NEB: variants seen among roughly 807,000 people sequenced by gnomAD.
NEB encodes nemaline myopathy type 2.
In NEB, 512 loss-of-function variants were observed where a neutral mutation model predicts 952.2. The observed-to-expected ratio is 0.54, with a 90% CI of 0.50 to 0.58. The LOEUF is 0.58. Among genes scored for constraint, NEB ranks in the 20% least tolerant of loss-of-function variants. NEB has a pLI of 0.00. For synonymous variants in NEB, 2,900 were observed against 3,149.8 expected (o/e 0.92, Z 2.66); for missense variants, 8,428 against 9,231.1 (o/e 0.91, Z 3.56).
chr2:151,506,647 T>C (rs991769992), intron 163 of NEB, among the ~76,000 whole-genome samples: 1 of 152,214 alleles, frequency 6.6e-6, no homozygotes, highest in African/African-American at 2.4e-5. Context: ...TCCATCTTCT[T>C]GGAGCAAGAC....
chr2:151,490,048 G>C lies in NEB; in HGVS notation c.25327C>G (p.Pro8443Ala), dbSNP rs1464935262. 1 of 1,611,106 alleles carries C rather than the reference G, an allele frequency of 6.2e-7. No individual in the cohort carries two copies. The highest frequency in any genetic ancestry group is 8.5e-7 in the Non-Finnish European group (1 of 1,179,006). ...GCAACTGAAGATGATCGTTGTTGTG[G>C]GAGCTCTGTGGTTTTTGCATGTTTG... Reference protein sequence around the residue: ...AYKHAKTTELPQQRSSSVATQ... With the variant: ...AYKHAKTTELAQQRSSSVATQ... Residue 8443 changes from proline (P) to alanine (A), a missense_variant, in exon 181 of 182, where the codon CCA becomes GCA. By Grantham distance (27) the Pro-to-Ala change is conservative. Coordinates refer to ENST00000397345, the MANE Select transcript of NEB (RefSeq NM_001164508.2).
intron 10 of NEB, among the ~76,000 whole-genome samples, 156 bp from the exon 11 acceptor site, chr2:151,710,694 G>C (rs1475510717): frequency 1.3e-5 from 2 of 152,120 alleles, no homozygotes; most frequent in African/African-American, 4.8e-5. Context: ...CCAATGTACT[G>C]TCAATTTACC....
At chr2:151,520,042 A>C (rs2080866976) in intron 153 of NEB, 1 of 186,904 alleles carries the variant, frequency 5.4e-6, no homozygotes, top group Non-Finnish European at 1.0e-5. Flanking sequence ...TGCAAAACAA[A>C]AAAAAAAAAA....
rs781425114 is a variant in NEB at position 151,630,696 on chromosome 2, C to T, written c.9723+19G>A. On this transcript the variant is annotated intron_variant, in intron 67 of 181. Transcript: ENST00000397345. ...AGACACCACCACCACAATATAGCAC[C>T]ACAGATTTTTGCTCCTACCTCACTG... 3.2e-6 allele frequency: 5 copies of T among 1,565,974 alleles called. No homozygotes were observed. The Admixed American group carries it at 9.0e-5, about 28-fold the overall frequency.
chr2:151,626,942 C>T, intron 70 of NEB, 60 bp downstream of exon 70: 3 of 1,568,690 alleles, frequency 1.9e-6, no homozygotes, highest in South Asian at 1.1e-5. Flanking sequence ...ACTTAATTAA[C>T]AATAGGTATC....
chr2:151,570,072 C>G lies in NEB; in HGVS notation c.17430+9G>C, dbSNP rs780361098. ...GAAAAGAGTTCAACCCCAAATGCAG[C>G]CCACTCACATCGCTCTGCAGTTCGT... On this transcript the variant is annotated intron_variant, in intron 109 of 181. Coordinates refer to ENST00000397345, the MANE Select transcript of NEB (RefSeq NM_001164508.2). 4 of 1,597,830 alleles carry G rather than the reference C, an allele frequency of 2.5e-6. No individual in the cohort carries two copies. The South Asian group carries it at 4.5e-5, about 18-fold the overall frequency.
At chr2:151,721,689 T>C (rs1286505633) in intron 9 of NEB, among the ~76,000 whole-genome samples, 1 of 152,226 alleles carries the variant, frequency 6.6e-6, no homozygotes, top group Non-Finnish European at 1.5e-5. Context: ...TTGTAGTACT[T>C]TTCTATCCTG....
rs1403276683 is a variant in NEB at position 151,612,398 on chromosome 2, G to A, written c.11602-9C>T. 4 of 1,610,928 alleles carry A rather than the reference G, an allele frequency of 2.5e-6. No homozygotes were observed. The East Asian group carries it at 8.9e-5, about 36-fold the overall frequency. Reference sequence around the variant, plus strand: ...TCAGATTTGTAAATAGCCTGAAAATGAAATAATGTCAAATATTTATAGATG... The same window carrying A: ...TCAGATTTGTAAATAGCCTGAAAATAAAATAATGTCAAATATTTATAGATG... On this transcript the variant is annotated splice_polypyrimidine_tract_variant and intron_variant, in intron 77 of 181. Transcript: ENST00000397345.
intron 46 of NEB, among the ~76,000 whole-genome samples, chr2:151,661,059 C>T (rs1162638742): frequency 6.6e-6 from 1 of 152,038 alleles, no homozygotes; most frequent in Non-Finnish European, 1.5e-5. Flanking sequence ...CCAGACCCTG[C>T]TGTTGACCCG....
chr2:151,684,329 A>G (rs1415383213), intron 28 of NEB, among the ~76,000 whole-genome samples: 1 of 152,206 alleles, frequency 6.6e-6, no homozygotes, highest in Non-Finnish European at 1.5e-5. Context: ...AAACCGTTAT[A>G]AATATTTATG....
intron 107 of NEB, among the ~76,000 whole-genome samples, chr2:151,574,275 G>T (rs537871535): frequency 2.6e-5 from 4 of 152,084 alleles, no homozygotes; most frequent in Non-Finnish European, 5.9e-5. Context: ...CGCCAGGCAT[G>T]TTCTTACTCT....
At position 151,675,298 on chromosome 2, in the gene NEB, T is replaced by G; in HGVS notation, c.3868A>C (p.Asn1290His). Residue 1290 changes from asparagine to histidine, a missense_variant, in exon 35 of 182, where the codon AAT becomes CAT. By Grantham distance (68) the Asn-to-His change is moderately conservative (BLOSUM62 1). Transcript: ENST00000397345. ...QFLQAKCNAY[N>H]ISDVCYKRDW... is the part of the protein sequence containing the mutation. ...AAGACCCTACTTACGTCACTTATAT[T>G]GTAAGCATTGCACTTGGCCTGGAGA... The G allele has an allele frequency of 6.3e-7, 1 of 1,580,556 alleles. No homozygotes were observed. Among genetic ancestry groups the G allele is most frequent in the Non-Finnish European group, 8.6e-7 (1 of 1,157,874 alleles).
chr2:151,722,219 C>T (rs1224136485), intron 9 of NEB, among the ~76,000 whole-genome samples: 1 of 152,200 alleles, frequency 6.6e-6, no homozygotes, highest in Non-Finnish European at 1.5e-5. Context: ...CAGTGCTCTG[C>T]TGAAGACTGG....
chr2:151,635,439 C>T (rs1168991253), intron 64 of NEB, among the ~76,000 whole-genome samples: 1 of 151,978 alleles, frequency 6.6e-6, no homozygotes, highest in East Asian at 1.9e-4. Flanking sequence ...AAGAGTGTGA[C>T]CTCACGCTTG....
chr2:151,684,312 G>T (rs2148817450), intron 28 of NEB, among the ~76,000 whole-genome samples: 1 of 152,216 alleles, frequency 6.6e-6, no homozygotes, highest in Non-Finnish European at 1.5e-5. Flanking sequence ...GTTCTGATCT[G>T]CAGAAAAAAC....
chr2:151,570,076 C>T lies in NEB; in HGVS notation c.17430+5G>A. ...AGAGTTCAACCCCAAATGCAGCCCA[C>T]TCACATCGCTCTGCAGTTCGTAGGC... On this transcript the variant is annotated splice_donor_5th_base_variant and intron_variant, in intron 109 of 181. Transcript: ENST00000397345. The T allele has an allele frequency of 6.2e-7, 1 of 1,601,044 alleles. No homozygotes were observed. Among genetic ancestry groups the T allele is most frequent in the Non-Finnish European group, 8.5e-7 (1 of 1,173,524 alleles).
chr2:151,519,135 A>C, intron 154 of NEB, 66 bp from the exon 155 acceptor site: 1 of 1,002,336 alleles, frequency 1.0e-6, no homozygotes, highest in African/African-American at 1.6e-5. Flanking sequence ...AATGGAAATC[A>C]AAGTGAGATA....
chr2:151,523,072 G>A (rs1037283449), intron 153 of NEB, among the ~76,000 whole-genome samples: 4 of 152,052 alleles, frequency 2.6e-5, no homozygotes, highest in African/African-American at 7.2e-5. Flanking sequence ...CATCATAGTC[G>A]TTTGTTTTTA....
chr2:151,534,088 C>T (rs2092535760), intron 142 of NEB: 2 of 716,816 alleles, frequency 2.8e-6, no homozygotes, highest in Non-Finnish European at 4.7e-6. Flanking sequence ...TAGACAGATA[C>T]TTTGAAACAG....
Sources: allele counts gnomAD v4.1 joint callset (sites outside exome capture counted in the v4.1 genomes callset), GRCh38; gene constraint gnomAD v4.1.1; transcripts MANE v1.5; gene names NCBI Gene and HGNC (gene_info 2026-07-23, HGNC 2026-07-21).